The following BMAL2 variants were observed in gnomAD, a reference collection of about 807,000 sequenced individuals.
The protein encoded by BMAL2 is basic helix-loop-helix ARNT-like protein 2.
chr12:27,416,101 T>C, the BMAL2 span, among the ~76,000 whole-genome samples: 1 of 152,156 alleles, frequency 6.6e-6, no homozygotes, highest in Admixed American at 6.5e-5. Flanking sequence ...CGTTGTGGAA[T>C]AGTAGTTAAG....
the BMAL2 span, among the ~76,000 whole-genome samples, chr12:27,404,829 G>A: frequency 2.0e-5 from 3 of 152,196 alleles, no homozygotes; most frequent in African/African-American, 7.2e-5. Context: ...AAGCGCAAGG[G>A]GTCAGGGAAT....
the BMAL2 span, among the ~76,000 whole-genome samples, chr12:27,359,359 A>C: frequency 1.3e-5 from 2 of 152,122 alleles, no homozygotes; most frequent in African/African-American, 4.8e-5. Context: ...TGGGGTAATA[A>C]AGTGAATGTA....
chr12:27,378,009 T>C, the BMAL2 span, among the ~76,000 whole-genome samples: 3 of 152,162 alleles, frequency 2.0e-5, no homozygotes, highest in East Asian at 5.8e-4. Flanking sequence ...AAAGTCTTTA[T>C]AAAAACAGAT....
the BMAL2 span, among the ~76,000 whole-genome samples, chr12:27,365,061 T>A: frequency 1.6e-4 from 24 of 152,244 alleles, no homozygotes; most frequent in Admixed American, 1.6e-3. Context: ...GTCAATCATA[T>A]CATTTCCCAA....
At chr12:27,373,063 C>T in the BMAL2 span, among the ~76,000 whole-genome samples, 1 of 152,148 alleles carries the variant, frequency 6.6e-6, no homozygotes, top group African/African-American at 2.4e-5. Flanking sequence ...ACCCTGGAAA[C>T]AGCATGGAGG....
chr12:27,408,115 A>C, the BMAL2 span, among the ~76,000 whole-genome samples: 5 of 152,086 alleles, frequency 3.3e-5, no homozygotes, highest in East Asian at 5.8e-4. Flanking sequence ...CTTACCAACC[A>C]AAAAAAGTCC....
the BMAL2 span, chr12:27,387,435 C>A: frequency 2.8e-6 from 2 of 707,290 alleles, no homozygotes; most frequent in South Asian, 1.8e-5. Context: ...TTAGATTCTG[C>A]TAAGTTAGAA....
chr12:27,361,509 A>G, the BMAL2 span, among the ~76,000 whole-genome samples: 1 of 152,204 alleles, frequency 6.6e-6, no homozygotes, highest in Non-Finnish European at 1.5e-5. Flanking sequence ...CAATTTGGCA[A>G]GGAAAGACAA....
the BMAL2 span, among the ~76,000 whole-genome samples, chr12:27,347,870 G>A: frequency 2.6e-5 from 4 of 152,174 alleles, no homozygotes; most frequent in Admixed American, 2.6e-4. Flanking sequence ...AGCAATGCAA[G>A]CAAATCCACA....
chr12:27,392,599 T>C, the BMAL2 span, among the ~76,000 whole-genome samples: 4 of 152,062 alleles, frequency 2.6e-5, no homozygotes, highest in African/African-American at 9.7e-5. Flanking sequence ...GAACCAACAC[T>C]GTGTTGGTTC....
At chr12:27,374,232 A>T in the BMAL2 span, among the ~76,000 whole-genome samples, 1 of 152,182 alleles carries the variant, frequency 6.6e-6, no homozygotes, top group African/African-American at 2.4e-5. Context: ...TCAGTCCTTC[A>T]TATCCATGGG....
At chr12:27,339,769 T>C in the BMAL2 span, among the ~76,000 whole-genome samples, 3 of 152,056 alleles carry the variant, frequency 2.0e-5, no homozygotes, top group Non-Finnish European at 4.4e-5. Context: ...GAACTACAGG[T>C]GCACGCCGCC....
At chr12:27,372,483 G>A in the BMAL2 span, among the ~76,000 whole-genome samples, 5 of 152,086 alleles carry the variant, frequency 3.3e-5, no homozygotes, top group South Asian at 2.1e-4. Flanking sequence ...ACAAATACCC[G>A]TTTTAGTCCT....
At chr12:27,339,651 G>A in the BMAL2 span, among the ~76,000 whole-genome samples, 1 of 150,080 alleles carries the variant, frequency 6.7e-6, no homozygotes, top group South Asian at 2.1e-4. Flanking sequence ...TTGAGACGGA[G>A]TCTCGCTCTG....
the BMAL2 span, among the ~76,000 whole-genome samples, chr12:27,340,857 C>A: frequency 6.6e-6 from 1 of 151,994 alleles, no homozygotes; most frequent in Non-Finnish European, 1.5e-5. Context: ...GTATTTTATT[C>A]TTTTTGTGGT....
the BMAL2 span, chr12:27,389,116 T>A: frequency 9.7e-7 from 1 of 1,030,250 alleles, no homozygotes; most frequent in Non-Finnish European, 1.5e-6. Context: ...ATTTATTGTA[T>A]GCATCAAGAA....
the BMAL2 span, among the ~76,000 whole-genome samples, chr12:27,334,125 A>G: frequency 6.6e-6 from 1 of 152,234 alleles, no homozygotes; most frequent in African/African-American, 2.4e-5. Flanking sequence ...GGGAATTTAC[A>G]TCATGGGGCG....
At chr12:27,382,288 A>C in the BMAL2 span, among the ~76,000 whole-genome samples, 2 of 152,228 alleles carry the variant, frequency 1.3e-5, no homozygotes, top group Admixed American at 1.3e-4. Context: ...GCCATGAATC[A>C]GTCGACTAGT....
chr12:27,365,734 A>G, the BMAL2 span, among the ~76,000 whole-genome samples: 1 of 145,076 alleles, frequency 6.9e-6, no homozygotes, highest in East Asian at 2.1e-4. Flanking sequence ...TTTTTTTTGT[A>G]CATTTTTTTC....
Sources: allele counts gnomAD v4.1 joint callset (sites outside exome capture counted in the v4.1 genomes callset), GRCh38; gene constraint gnomAD v4.1.1; transcripts MANE v1.5; gene names NCBI Gene and HGNC (gene_info 2026-07-23, HGNC 2026-07-21).